Variants in ADAMTS20 observed in about 807,000 individuals in gnomAD.
The protein encoded by ADAMTS20 is ADAM metallopeptidase with thrombospondin type 1 motif 20.
ADAMTS20 carries 225 observed loss-of-function variants against 260.1 expected under a neutral mutation model. That is an observed-to-expected ratio of 0.87 (90% CI 0.78 to 0.97). The LOEUF (loss-of-function observed/expected upper bound fraction) is 0.97, where lower values mean the gene tolerates loss of function less well. Among genes scored for constraint, ADAMTS20 ranks in the 50% least tolerant of loss-of-function variants. The probability of loss-of-function intolerance (pLI) is 0.00; values close to 1 mark genes in which losing one functional copy is unlikely to be tolerated. For missense variants in ADAMTS20, 2,400 were observed against 2,337.7 expected (o/e 1.03, Z -0.55); for synonymous variants, 802 against 769.5 (o/e 1.04, Z -0.70).
At chr12:43,420,725 G>C (rs1334578756) in intron 28 of ADAMTS20, among the ~76,000 whole-genome samples, 1 of 147,082 alleles carries the variant, frequency 6.8e-6, no homozygotes, top group Non-Finnish European at 1.5e-5. Context: ...ACAAATGTCA[G>C]ATTTACCGGT....
In ADAMTS20 at chr12:43,446,741, T is replaced by C. The variant is rs569842114; in HGVS notation, c.2080-29A>G. On this transcript the variant is annotated intron_variant, in intron 14 of 38. Coordinates refer to ENST00000389420, the MANE Select transcript of ADAMTS20 (RefSeq NM_025003.5). Reference sequence around the variant, plus strand: ...CAAGACACAATTACAATCAATATTATAAGAATGACTAATTATGAAGAAAAG... The same window carrying C: ...CAAGACACAATTACAATCAATATTACAAGAATGACTAATTATGAAGAAAAG... The C allele has an allele frequency of 2.2e-4, 342 of 1,530,016 alleles. 4 individuals are homozygous for C. In the East Asian group the frequency reaches 7.6e-3, roughly 34 times the overall value. The allele number at this position is 1,530,016 out of a possible 1,614,324, so 94.8% of individuals were successfully genotyped here. A position where few individuals can be genotyped will look rare whatever the true frequency, so the allele number is the denominator to read the frequency against.
At chr12:43,467,403 T>C (rs1159485613) in intron 8 of ADAMTS20, among the ~76,000 whole-genome samples, 1 of 152,178 alleles carries the variant, frequency 6.6e-6, no homozygotes, top group African/African-American at 2.4e-5. Flanking sequence ...CTATACAATT[T>C]GGGGGGAACT....
At chr12:43,492,857 AG>A (rs1387487967) in intron 5 of ADAMTS20, among the ~76,000 whole-genome samples, 6 of 152,258 alleles carry the variant, frequency 3.9e-5, no homozygotes, top group Non-Finnish European at 8.8e-5. Flanking sequence ...TCCAATATTT[AG>A]GAAAAAAACT....
Position 43,491,449 on chromosome 12 carries a change from A to T in ADAMTS20, c.1077-1014T>A, listed in dbSNP as rs138770897. 5.8e-4 allele frequency among the ~76,000 whole-genome samples: 89 copies of T among 152,324 alleles called. 1 individual carries two copies. Among genetic ancestry groups the T allele is most frequent in the African/African-American group, 2.1e-3 (87 of 41,584 alleles). On this transcript the variant is annotated intron_variant, in intron 6 of 38. Transcript: ENST00000389420. ...CATGTTAGCTATATTACATTGGCTG[A>T]AGTTTTTCATTTCAGGATTCTAGAA...
chr12:43,529,837 T>A (rs1336341861), intron 3 of ADAMTS20, among the ~76,000 whole-genome samples: 1 of 152,094 alleles, frequency 6.6e-6, no homozygotes, highest in East Asian at 1.9e-4. Context: ...AACCTTCAAG[T>A]ATTTCTAAAC....
intron 7 of ADAMTS20, 124 bp from the exon 8 acceptor site, chr12:43,468,829 A>T: frequency 1.8e-6 from 1 of 560,518 alleles, no homozygotes; most frequent in African/African-American, 1.9e-5. Context: ...ATTGGCTGTT[A>T]ATATTGAATA....
In ADAMTS20 at chr12:43,369,353, T is replaced by C; in HGVS notation, c.5475A>G (p.Ile1825Met). Reference sequence around the variant, plus strand: ...TGGCAAATGGAACTGCATTTCCAAATATTGTTTTGGAAAAAAGAAGGTCCG... The same window carrying C: ...TGGCAAATGGAACTGCATTTCCAAACATTGTTTTGGAAAAAAGAAGGTCCG... ...KTTDLLFSKT[I>M]FGNAVPFATA... is the part of the protein sequence containing the mutation. The change falls in exon 37 of 39, where the codon ATA becomes ATG. Residue 1825 changes from isoleucine to methionine, a missense_variant. Coordinates refer to ENST00000389420, the MANE Select transcript of ADAMTS20 (RefSeq NM_025003.5). 6.4e-7 allele frequency: 1 copy of C among 1,558,334 alleles called. No homozygotes were observed. The highest frequency in any genetic ancestry group is 8.7e-7 in the Non-Finnish European group (1 of 1,153,334).
chr12:43,433,544 T>C (rs992547180), intron 19 of ADAMTS20, among the ~76,000 whole-genome samples: 14 of 152,148 alleles, frequency 9.2e-5, no homozygotes, highest in South Asian at 6.2e-4. Flanking sequence ...ATCATAAATA[T>C]ATAGAAATTC....
chr12:43,518,834 A>G (rs947669621), intron 3 of ADAMTS20, among the ~76,000 whole-genome samples: 1 of 151,858 alleles, frequency 6.6e-6, no homozygotes, highest in Admixed American at 6.6e-5. Context: ...AAAAAAAAAA[A>G]AAGAATAATC....
At chr12:43,460,674 G>T (rs1453780075) in intron 11 of ADAMTS20, among the ~76,000 whole-genome samples, 2 of 151,872 alleles carry the variant, frequency 1.3e-5, no homozygotes, top group East Asian at 3.9e-4. Flanking sequence ...CACAAGAAAT[G>T]ATTCAAATAT....
At chr12:43,424,004 G>C (rs1252572236) in intron 28 of ADAMTS20, 19 of 646,932 alleles carry the variant, frequency 2.9e-5, no homozygotes, top group Non-Finnish European at 5.3e-5. Context: ...CTGAACCAGA[G>C]CTTGACCTAC....
intron 37 of ADAMTS20, among the ~76,000 whole-genome samples, chr12:43,366,123 T>C (rs1457666960): frequency 6.6e-6 from 1 of 151,776 alleles, no homozygotes; most frequent in African/African-American, 2.4e-5. Context: ...GAGCCAAAGA[T>C]ATAAATAAGT....
intron 29 of ADAMTS20, among the ~76,000 whole-genome samples, chr12:43,391,224 A>G (rs1401383215): frequency 6.6e-6 from 1 of 152,206 alleles, no homozygotes; most frequent in Non-Finnish European, 1.5e-5. Context: ...TCCAACAATG[A>G]GTGCTCTACC....
intron 11 of ADAMTS20, among the ~76,000 whole-genome samples, chr12:43,461,532 G>A (rs1275606147): frequency 3.3e-5 from 5 of 151,808 alleles, no homozygotes; most frequent in South Asian, 2.1e-4. Context: ...CTTTTGCCAC[G>A]AGCAATCAAT....
intron 16 of ADAMTS20, among the ~76,000 whole-genome samples, chr12:43,442,383 G>A (rs1369066446): frequency 1.3e-5 from 2 of 151,422 alleles, no homozygotes; most frequent in Non-Finnish European, 2.9e-5. Context: ...TCAGCCTCCC[G>A]AGTAGCTGGG....
In ADAMTS20 at chr12:43,444,009, TAC is replaced by T. The variant is rs1941716042; in HGVS notation, c.2198-128_2198-127del. On this transcript the variant is annotated intron_variant, in intron 15 of 38. Coordinates refer to ENST00000389420, the MANE Select transcript of ADAMTS20 (RefSeq NM_025003.5). ...TAATTTTGTTGTGTCTTTACAAAAT[TAC>T]ACAGTGGTTATTCTTTTTGAGTCAG... The T allele has an allele frequency of 9.0e-6, 6 of 667,250 alleles. No homozygotes were observed. In the South Asian group the frequency reaches 1.2e-4, roughly 13 times the overall value. The allele number at this position is 667,250 out of a possible 1,614,324, so 41.3% of individuals were successfully genotyped here. A position where few individuals can be genotyped will look rare whatever the true frequency, so the allele number is the denominator to read the frequency against.
rs192523444 is a variant in ADAMTS20 at position 43,389,461 on chromosome 12, A to G, written c.4453-5484T>C. ...AGTCTTGAGAATAATCTTTGATGCA[A>G]TGTTCCACCTTCTGGACACACTGGG... is the stretch of plus-strand genomic sequence containing the variant. On this transcript the variant is annotated intron_variant, in intron 29 of 38. Transcript: ENST00000389420. Among the ~76,000 whole-genome samples the G allele has an allele frequency of 9.8e-5, 15 of 152,324 alleles. No individual in the cohort carries two copies. The East Asian group carries it at 2.9e-3, about 29-fold the overall frequency.
chr12:43,462,860 T>A (rs1480938125), intron 11 of ADAMTS20, 35 bp downstream of exon 11: 7 of 1,516,692 alleles, frequency 4.6e-6, no homozygotes, highest in Non-Finnish European at 6.3e-6. Flanking sequence ...TTGGATAATA[T>A]CTTCATACAA....
chr12:43,427,074 G>T (rs747123822), intron 27 of ADAMTS20, among the ~76,000 whole-genome samples: 9 of 152,118 alleles, frequency 5.9e-5, no homozygotes, highest in Non-Finnish European at 4.4e-5. Context: ...TCGGGAGGCT[G>T]AGGTGGGAAG....
Sources: gnomAD v4.1 joint callset for allele counts (sites outside exome capture counted in the v4.1 genomes callset) on GRCh38, gnomAD v4.1.1 for gene constraint, MANE v1.5 for transcripts, NCBI Gene and HGNC (gene_info 2026-07-23, HGNC 2026-07-21) for gene names.